Variants in GPR158 observed in about 807,000 individuals in gnomAD.
The protein encoded by GPR158 is G protein-coupled receptor 158, also known as metabotropic glycine receptor.
GPR158 carries 30 observed loss-of-function variants against 78.2 expected under a neutral mutation model. The ratio of observed to expected loss-of-function variants is 0.38; its 90% CI spans 0.29 to 0.52. The LOEUF (loss-of-function observed/expected upper bound fraction) is 0.52. GPR158 is among the 20% of genes least tolerant of loss of function. The probability of loss-of-function intolerance (pLI) is 0.83; values close to 1 mark genes in which losing one functional copy is unlikely to be tolerated. For missense variants in GPR158, 1,463 were observed against 1,523.5 expected (o/e 0.96, Z 0.66); for synonymous variants, 581 against 591.1 (o/e 0.98, Z 0.25).
intron 2 of GPR158, among the ~76,000 whole-genome samples, chr10:25,321,570 G>T (rs570567907): frequency 7.2e-5 from 11 of 152,140 alleles, no homozygotes; most frequent in Middle Eastern, 3.4e-3. Context: ...GAGGAGATAG[G>T]GTTGATTAGA....
chr10:25,503,625 T>C (rs1005197893), intron 5 of GPR158, among the ~76,000 whole-genome samples: 1 of 152,168 alleles, frequency 6.6e-6, no homozygotes, highest in Non-Finnish European at 1.5e-5. Flanking sequence ...TTCCCTGGAA[T>C]GTATTAAACT....
At chr10:25,179,918 A>C (rs1852592751) in intron 1 of GPR158, among the ~76,000 whole-genome samples, 1 of 152,124 alleles carries the variant, frequency 6.6e-6, no homozygotes, top group Non-Finnish European at 1.5e-5. Flanking sequence ...TTTTGTTTGC[A>C]TAATGATTTT....
chr10:25,425,181 G>T (rs1043212855), intron 4 of GPR158, among the ~76,000 whole-genome samples: 1 of 152,070 alleles, frequency 6.6e-6, no homozygotes, highest in Non-Finnish European at 1.5e-5. Context: ...CTGTCTGTTT[G>T]TCTGTTATTG....
intron 2 of GPR158, among the ~76,000 whole-genome samples, chr10:25,294,813 G>C (rs1176844830): frequency 6.6e-6 from 1 of 152,086 alleles, no homozygotes. Flanking sequence ...TAAAACATAA[G>C]GTTAGACTGG....
intron 2 of GPR158, among the ~76,000 whole-genome samples, chr10:25,283,239 C>T (rs1206590424): frequency 6.6e-6 from 1 of 151,968 alleles, no homozygotes; most frequent in Non-Finnish European, 1.5e-5. Context: ...TTGTGCCTTT[C>T]AAGGAACTGG....
At chr10:25,323,718 A>C (rs570585628) in intron 2 of GPR158, among the ~76,000 whole-genome samples, 1 of 146,974 alleles carries the variant, frequency 6.8e-6, no homozygotes, top group Non-Finnish European at 1.5e-5. Context: ...GGTTCTTTCT[A>C]TGTTGCCCAT....
intron 5 of GPR158, among the ~76,000 whole-genome samples, chr10:25,497,144 C>G (rs1413566698): frequency 6.6e-6 from 1 of 152,156 alleles, no homozygotes; most frequent in East Asian, 1.9e-4. Context: ...GGAGTCAGAT[C>G]TTGAGGTCCT....
intron 7 of GPR158, among the ~76,000 whole-genome samples, chr10:25,585,741 G>A (rs1248172396): frequency 6.6e-6 from 1 of 152,196 alleles, no homozygotes; most frequent in Admixed American, 6.5e-5. Flanking sequence ...CACTTTGGTA[G>A]GCCAAGGTGA....
chr10:25,255,363 A>T (rs1475665649), intron 2 of GPR158, among the ~76,000 whole-genome samples: 1 of 152,240 alleles, frequency 6.6e-6, no homozygotes, highest in South Asian at 2.1e-4. Flanking sequence ...TACATAAACT[A>T]CAACAAAGTT....
At chr10:25,596,495 CTA>C in intron 9 of GPR158, 146 bp from the exon 10 acceptor site, 4 of 563,152 alleles carry the variant, frequency 7.1e-6, no homozygotes, top group African/African-American at 1.9e-5. Flanking sequence ...CTCTCTCTCT[CTA>C]TCTATCTATC....
chr10:25,292,798 T>A (rs1174101659), intron 2 of GPR158, among the ~76,000 whole-genome samples: 1 of 152,130 alleles, frequency 6.6e-6, no homozygotes, highest in Non-Finnish European at 1.5e-5. Flanking sequence ...AAAAATAATA[T>A]TTTCCTGGTT....
intron 2 of GPR158, among the ~76,000 whole-genome samples, chr10:25,390,824 A>G (rs758478972): frequency 1.3e-5 from 2 of 152,204 alleles, no homozygotes; most frequent in African/African-American, 2.4e-5. Context: ...CACCAAGACA[A>G]TGGTGAAAAA....
chr10:25,580,585 T>G (rs771763091), intron 7 of GPR158, among the ~76,000 whole-genome samples: 48 of 152,350 alleles, frequency 3.2e-4, no homozygotes, highest in Middle Eastern at 3.4e-3. Flanking sequence ...ATTTAATGAA[T>G]GTTACAGAAA....
intron 2 of GPR158, among the ~76,000 whole-genome samples, chr10:25,360,467 A>G (rs931306046): frequency 2.6e-5 from 4 of 152,110 alleles, no homozygotes; most frequent in African/African-American, 9.7e-5. Flanking sequence ...TTTTCTGCAT[A>G]TGGCTAGCCA....
intron 5 of GPR158, among the ~76,000 whole-genome samples, chr10:25,470,869 C>A (rs889187198): frequency 2.0e-5 from 3 of 151,900 alleles, no homozygotes; most frequent in African/African-American, 7.3e-5. Flanking sequence ...TTTTTTTGAA[C>A]CTCTGCTATT....
chr10:25,471,133 G>A (rs944809105), intron 5 of GPR158, among the ~76,000 whole-genome samples: 65 of 131,928 alleles, frequency 4.9e-4, no homozygotes, highest in African/African-American at 1.7e-3. Flanking sequence ...GACAGGCCCC[G>A]GTGTGTGATG....
chr10:25,329,307 G>A (rs1243787967), intron 2 of GPR158, among the ~76,000 whole-genome samples: 4 of 151,982 alleles, frequency 2.6e-5, no homozygotes, highest in African/African-American at 4.8e-5. Flanking sequence ...GGGCGTGGTG[G>A]CGGGCACCTG....
At chr10:25,259,087 T>TGAGGAG (rs1367136017) in intron 2 of GPR158, among the ~76,000 whole-genome samples, 1 of 152,080 alleles carries the variant, frequency 6.6e-6, no homozygotes, top group Non-Finnish European at 1.5e-5. Context: ...TTGAATAGGC[T>TGAGGAG]GAGGAGGAGG....
chr10:25,498,877 A>G (rs1039569895), intron 5 of GPR158, among the ~76,000 whole-genome samples: 7 of 152,152 alleles, frequency 4.6e-5, no homozygotes, highest in East Asian at 1.9e-4. Flanking sequence ...TCAAAAGGCA[A>G]TATATCCCCT....
Sources: gnomAD v4.1 joint callset for allele counts (sites outside exome capture counted in the v4.1 genomes callset) on GRCh38, gnomAD v4.1.1 for gene constraint, MANE v1.5 for transcripts, NCBI Gene and HGNC (gene_info 2026-07-23, HGNC 2026-07-21) for gene names.